RASA2: variants seen among roughly 807,000 people sequenced by gnomAD.
The protein encoded by RASA2 is RAS p21 protein activator 2.
RASA2 carries 155 observed loss-of-function variants against 118.2 expected under a neutral mutation model. That is an observed-to-expected ratio of 1.31 (90% confidence interval 1.15 to 1.50). RASA2 has a LOEUF of 1.50. Ranked by LOEUF, RASA2 falls within the 40% of genes most tolerant of loss-of-function variation. RASA2 has a pLI of 0.00. For synonymous variants in RASA2, 353 were observed against 349.1 expected (o/e 1.01, Z -0.12); for missense variants, 1,016 against 1,009.6 (o/e 1.01, Z -0.09).
chr3:141,489,062 G>C (rs1253861192), intron 1 of RASA2, among the ~76,000 whole-genome samples: 2 of 152,108 alleles, frequency 1.3e-5, no homozygotes, highest in Non-Finnish European at 2.9e-5. Context: ...AAACCACTTT[G>C]TTTCTATGGT....
At chr3:141,580,918 C>T (rs560082832) in intron 16 of RASA2, among the ~76,000 whole-genome samples, 182 bp from the exon 17 acceptor site, 2 of 151,872 alleles carry the variant, frequency 1.3e-5, no homozygotes, top group Non-Finnish European at 2.9e-5. Flanking sequence ...GTCTGTCTGT[C>T]TGCCTGCTTC....
chr3:141,558,633 T>TG (rs2082683882), intron 7 of RASA2, among the ~76,000 whole-genome samples: 1 of 152,100 alleles, frequency 6.6e-6, no homozygotes, highest in Non-Finnish European at 1.5e-5. Context: ...AAGACCATAA[T>TG]TTAAGGGGAG....
intron 1 of RASA2, among the ~76,000 whole-genome samples, chr3:141,495,239 T>G (rs1005256280): frequency 6.6e-6 from 1 of 152,202 alleles, no homozygotes; most frequent in African/African-American, 2.4e-5. Flanking sequence ...AGATACACAA[T>G]AGCTAAGCTA....
intron 3 of RASA2, chr3:141,525,606 G>T (rs1055761917): frequency 2.6e-5 from 4 of 152,142 alleles, no homozygotes; most frequent in African/African-American, 9.7e-5. Context: ...AAAAGTTCAA[G>T]ACCAGCCTCG....
intron 9 of RASA2, among the ~76,000 whole-genome samples, chr3:141,560,977 A>T (rs2082722095): frequency 6.6e-6 from 1 of 152,156 alleles, no homozygotes; most frequent in Non-Finnish European, 1.5e-5. Context: ...GAGACTCTCA[A>T]AATTTTTACT....
intron 23 of RASA2, 53 bp downstream of exon 23, chr3:141,610,119 G>T: frequency 7.0e-7 from 1 of 1,429,946 alleles, no homozygotes. Flanking sequence ...GTTTGAGATT[G>T]CCTCTCCTGC....
chr3:141,550,571 G>C (rs547549756), intron 5 of RASA2, among the ~76,000 whole-genome samples: 136 of 152,330 alleles, frequency 8.9e-4, no homozygotes, highest in Non-Finnish European at 1.5e-3. Flanking sequence ...TTGTTGATGA[G>C]TATACAGAAA....
intron 19 of RASA2, among the ~76,000 whole-genome samples, chr3:141,598,214 A>G (rs1025002051): frequency 6.6e-6 from 1 of 152,326 alleles, no homozygotes; most frequent in East Asian, 1.9e-4. Context: ...GCATAACTCT[A>G]GTACTAAAAC....
chr3:141,558,346 C>G (rs139071785), intron 7 of RASA2, among the ~76,000 whole-genome samples: 184 of 152,236 alleles, frequency 1.2e-3, no homozygotes, highest in African/African-American at 4.2e-3. Flanking sequence ...ACAAAGACAG[C>G]AGCATAAGGT....
intron 6 of RASA2, among the ~76,000 whole-genome samples, chr3:141,554,411 A>G (rs1455910355): frequency 6.6e-6 from 1 of 152,212 alleles, no homozygotes; most frequent in African/African-American, 2.4e-5. Flanking sequence ...GAGAATTCCA[A>G]CTGTAGAAAA....
At position 141,608,524 on chromosome 3, in the gene RASA2, T is replaced by C; in HGVS notation, c.2052T>C (p.Tyr684=). 1.9e-6 allele frequency: 3 copies of C among 1,613,954 alleles called. No homozygotes were observed. The highest frequency in any genetic ancestry group is 2.2e-5 in the East Asian group (1 of 44,880). ...FQVIHTEKPL[Y]VQANNCVEAN... ...TAATACATACGGAGAAACCACTCTA[T>C]GTCCAGGCAAATAACTGTGTAGAAG... Residue 684 remains tyrosine (Y), a synonymous_variant, in exon 21 of 24, where the codon TAT becomes TAC. Coordinates refer to ENST00000286364, the MANE Select transcript of RASA2 (RefSeq NM_006506.5).
intron 4 of RASA2, among the ~76,000 whole-genome samples, chr3:141,532,914 C>A (rs528186544): frequency 2.6e-4 from 39 of 152,070 alleles, no homozygotes; most frequent in Non-Finnish European, 5.2e-4. Flanking sequence ...TTTTCTTTCC[C>A]TTTCATGAAG....
chr3:141,583,466 T>G (rs1381242451), intron 17 of RASA2, among the ~76,000 whole-genome samples: 1 of 152,102 alleles, frequency 6.6e-6, no homozygotes, highest in Non-Finnish European at 1.5e-5. Flanking sequence ...AAATATTTGC[T>G]AACAAATCAG....
chr3:141,571,455 A>G lies in RASA2; in HGVS notation c.1070A>G (p.Lys357Arg). 6.2e-7 allele frequency: 1 copy of G among 1,613,816 alleles called. No homozygotes were observed. Among genetic ancestry groups the G allele is most frequent in the Non-Finnish European group, 8.5e-7 (1 of 1,179,834 alleles). ...AYILSEICRD[K>R]NDAVLPLVRL... is the part of the protein sequence containing the mutation. ...ATTTTGAGTGAAATATGTCGAGATAAAAATGATGCTGTTTTGCCCCTTGTA... is the reference window on the plus strand; with the variant it reads ...ATTTTGAGTGAAATATGTCGAGATAGAAATGATGCTGTTTTGCCCCTTGTA... The change falls in exon 11 of 24, where the codon AAA becomes AGA. Residue 357 changes from lysine to arginine, a missense_variant. Lys to Arg is a conservative substitution (Grantham distance 26). Around this residue, in one of 2 missense-constraint regions of RASA2, gnomAD observed 896 missense variants for 836.4 expected, o/e 1.07. Transcript: ENST00000286364.
chr3:141,530,788 A>G (rs1392346535), intron 4 of RASA2, among the ~76,000 whole-genome samples: 1 of 152,140 alleles, frequency 6.6e-6, no homozygotes, highest in East Asian at 1.9e-4. Context: ...CTACTTTGCC[A>G]TGTTTTAATA....
rs906314189 is a variant in RASA2 at position 141,516,000 on chromosome 3, A to G, written c.252-328A>G. ...CTCACTCATAGGTGGGAACTGAACA[A>G]TGAGAACACTTGGACACAGGAAGGG... On this transcript the variant is annotated intron_variant, in intron 2 of 23. Coordinates refer to ENST00000286364, the MANE Select transcript of RASA2 (RefSeq NM_006506.5). 4.2e-5 allele frequency among the ~76,000 whole-genome samples: 6 copies of G among 141,400 alleles called. No homozygotes were observed. The South Asian group carries it at 6.6e-4, about 16-fold the overall frequency. 92.8% of individuals were successfully genotyped at this position (141,400 alleles called of 152,430 possible).
chr3:141,606,212 A>T (rs1040937092), intron 19 of RASA2, among the ~76,000 whole-genome samples: 5 of 152,322 alleles, frequency 3.3e-5, no homozygotes, highest in African/African-American at 1.2e-4. Context: ...TCTGGCTTAG[A>T]CTATGGCTTC....
chr3:141,589,801 A>T (rs2083260661), intron 19 of RASA2, among the ~76,000 whole-genome samples: 1 of 151,928 alleles, frequency 6.6e-6, no homozygotes, highest in African/African-American at 2.4e-5. Context: ...AGATCGCGCC[A>T]CTGCATTCCA....
At chr3:141,586,903 T>C (rs1355657231) in intron 19 of RASA2, 151 bp downstream of exon 19, 1 of 713,082 alleles carries the variant, frequency 1.4e-6, no homozygotes, top group Non-Finnish European at 2.6e-6. Context: ...AATGAAAAAA[T>C]ATTTGACAGT....
Sources: gnomAD v4.1 joint callset for allele counts (sites outside exome capture counted in the v4.1 genomes callset) on GRCh38, gnomAD v4.1.1 for gene constraint, gnomAD v4.1.1 regional missense constraint, MANE v1.5 for transcripts, NCBI Gene and HGNC (gene_info 2026-07-23, HGNC 2026-07-21) for gene names.